The following RAPGEF5 variants were observed in gnomAD, a reference collection of about 807,000 sequenced individuals.
RAPGEF5 encodes the protein Rap guanine nucleotide exchange factor 5, also known as M-Ras-regulated GEF.
Under a neutral mutation model 125.2 loss-of-function variants are expected in RAPGEF5, and 65 were observed. The observed-to-expected ratio is 0.52, with a 90% confidence interval of 0.43 to 0.64. The LOEUF is 0.64. RAPGEF5 is among the 30% of genes least tolerant of loss of function. The probability of loss-of-function intolerance (pLI) is 0.00; values close to 1 mark genes in which losing one functional copy is unlikely to be tolerated. For synonymous variants in RAPGEF5, 391 were observed against 385.9 expected (o/e 1.01, Z -0.16); for missense variants, 958 against 1,048.1 (o/e 0.91, Z 1.19).
chr7:22,299,922 T>A (rs984879957), intron 5 of RAPGEF5, among the ~76,000 whole-genome samples: 2 of 152,208 alleles, frequency 1.3e-5, no homozygotes, highest in East Asian at 3.8e-4. Context: ...ATATTTTCAT[T>A]ATTTGTTTCT....
At chr7:22,138,872 C>G (rs1383205928) in intron 21 of RAPGEF5, among the ~76,000 whole-genome samples, 1 of 152,224 alleles carries the variant, frequency 6.6e-6, no homozygotes, top group Non-Finnish European at 1.5e-5. Flanking sequence ...CTGACCCTTG[C>G]CAAGCCATTT....
chr7:22,215,373 A>T (rs1209503382), intron 9 of RAPGEF5, among the ~76,000 whole-genome samples: 3 of 152,208 alleles, frequency 2.0e-5, no homozygotes, highest in African/African-American at 7.2e-5. Context: ...TCCAGGTCAA[A>T]CTACTTCTGC....
chr7:22,193,104 G>C (rs1015999946), intron 11 of RAPGEF5: 70 of 534,620 alleles, frequency 1.3e-4, no homozygotes, highest in African/African-American at 1.2e-3. Flanking sequence ...GTGAGATTTG[G>C]GAAAAATTGC....
chr7:22,306,145 T>C (rs1163164397), intron 5 of RAPGEF5, among the ~76,000 whole-genome samples: 2 of 152,254 alleles, frequency 1.3e-5, no homozygotes, highest in Non-Finnish European at 2.9e-5. Context: ...ATAATGGTTG[T>C]ACTAATTTAC....
At chr7:22,331,875 T>G (rs1783928254) in intron 1 of RAPGEF5, among the ~76,000 whole-genome samples, 1 of 152,208 alleles carries the variant, frequency 6.6e-6, no homozygotes, top group Admixed American at 6.5e-5. Flanking sequence ...TCCTTCTATT[T>G]CTATTGCATA....
intron 7 of RAPGEF5, among the ~76,000 whole-genome samples, chr7:22,246,550 T>C (rs948669393): frequency 6.6e-6 from 1 of 152,118 alleles, no homozygotes; most frequent in African/African-American, 2.4e-5. Flanking sequence ...AATATACCCC[T>C]ACCTTTTACC....
intron 17 of RAPGEF5, among the ~76,000 whole-genome samples, chr7:22,151,393 GAA>G (rs1009796702): frequency 6.7e-6 from 1 of 150,164 alleles, no homozygotes; most frequent in Non-Finnish European, 1.5e-5. Context: ...TTTTAAAAAA[GAA>G]AGACAATATA....
At chr7:22,302,559 A>G (rs1036956584) in intron 5 of RAPGEF5, among the ~76,000 whole-genome samples, 1 of 152,162 alleles carries the variant, frequency 6.6e-6, no homozygotes, top group Non-Finnish European at 1.5e-5. Flanking sequence ...GGATGAAAAA[A>G]TGCCTACTCT....
At chr7:22,272,342 C>CAAAAAAAAAAAAAAAAAAAAAAAAGGAA (rs1282857477) in intron 6 of RAPGEF5, among the ~76,000 whole-genome samples, 9 of 35,890 alleles carry the variant, frequency 2.5e-4, no homozygotes, top group Non-Finnish European at 3.7e-4. Context: ...GACTCCGTCT[C>CAAAAAAAAAAAAAAAAAAAAAAAAGGAA]AAAAAAAAAA....
intron 1 of RAPGEF5, among the ~76,000 whole-genome samples, chr7:22,330,027 T>C (rs753613037): frequency 4.6e-5 from 7 of 151,986 alleles, no homozygotes; most frequent in Admixed American, 6.6e-5. Flanking sequence ...TATAAAACAA[T>C]ATATAAAAAA....
chr7:22,302,952 A>G (rs141852997), intron 5 of RAPGEF5, among the ~76,000 whole-genome samples: 1 of 152,242 alleles, frequency 6.6e-6, no homozygotes, highest in African/African-American at 2.4e-5. Flanking sequence ...CTATTGTGTA[A>G]GTGGTAGGAT....
At chr7:22,171,430 A>T (rs1050094076) in intron 11 of RAPGEF5, among the ~76,000 whole-genome samples, 1 of 152,232 alleles carries the variant, frequency 6.6e-6, no homozygotes, top group South Asian at 2.1e-4. Context: ...ATTCATTTTG[A>T]TTTCTAACTT....
chr7:22,139,744 T>A (rs1583401099), intron 21 of RAPGEF5: 1 of 310,810 alleles, frequency 3.2e-6, no homozygotes, highest in East Asian at 5.6e-5. Flanking sequence ...TGAGCACGCA[T>A]CATCATGCGG....
At chr7:22,222,637 C>A (rs1680907542) in intron 8 of RAPGEF5, among the ~76,000 whole-genome samples, 1 of 152,192 alleles carries the variant, frequency 6.6e-6, no homozygotes, top group Admixed American at 6.5e-5. Context: ...GAGCCCAACA[C>A]ACAATTTCCT....
chr7:22,174,223 G>A (rs141034767), intron 11 of RAPGEF5, among the ~76,000 whole-genome samples: 33 of 152,078 alleles, frequency 2.2e-4, no homozygotes, highest in Non-Finnish European at 4.4e-4. Context: ...CTACCAATCC[G>A]CCAACAAAAA....
intron 7 of RAPGEF5, among the ~76,000 whole-genome samples, chr7:22,231,617 A>G (rs1786059946): frequency 6.6e-6 from 1 of 152,204 alleles, no homozygotes; most frequent in African/African-American, 2.4e-5. Context: ...CTCATCACTG[A>G]AGGGCTTCTC....
At chr7:22,165,861 A>G in intron 12 of RAPGEF5, among the ~76,000 whole-genome samples, 1 of 151,696 alleles carries the variant, frequency 6.6e-6, no homozygotes, top group East Asian at 1.9e-4. Flanking sequence ...TGTCATCTAA[A>G]CTGGAGAGCA....
At chr7:22,170,668 T>C (rs879914550) in intron 11 of RAPGEF5, among the ~76,000 whole-genome samples, 6 of 152,224 alleles carry the variant, frequency 3.9e-5, no homozygotes, top group Non-Finnish European at 7.3e-5. Context: ...TACCAGAGTC[T>C]GGTTGGATGG....
chr7:22,206,432 T>C (rs2128129473), intron 9 of RAPGEF5, among the ~76,000 whole-genome samples: 1 of 152,330 alleles, frequency 6.6e-6, no homozygotes, highest in South Asian at 2.1e-4. Flanking sequence ...CCAATCTCAG[T>C]GGCTAATGCT....
Sources: gnomAD v4.1 joint callset for allele counts (sites outside exome capture counted in the v4.1 genomes callset) on GRCh38, gnomAD v4.1.1 for gene constraint, MANE v1.5 for transcripts, NCBI Gene and HGNC (gene_info 2026-07-23, HGNC 2026-07-21) for gene names.